PPP2R2C: variants seen among roughly 807,000 people sequenced by gnomAD.
PPP2R2C encodes the protein protein phosphatase 2 regulatory subunit Bgamma.
A neutral mutation model predicts 45.3 loss-of-function variants in PPP2R2C; 10 were observed. The ratio of observed to expected loss-of-function variants is 0.22; its 90% CI spans 0.14 to 0.37. PPP2R2C has a LOEUF of 0.37. PPP2R2C is among the 10% of genes least tolerant of loss of function. The probability of loss-of-function intolerance (pLI) is 1.00; values close to 1 mark genes in which losing one functional copy is unlikely to be tolerated. For synonymous variants in PPP2R2C, 257 were observed against 245.4 expected (o/e 1.05, Z -0.44); for missense variants, 308 against 619.7 (o/e 0.50, Z 5.34).
At chr4:6,407,408 G>A (rs1295001189) in intron 1 of PPP2R2C, among the ~76,000 whole-genome samples, 1 of 151,770 alleles carries the variant, frequency 6.6e-6, no homozygotes, top group Non-Finnish European at 1.5e-5. Flanking sequence ...TTGTTTGTTT[G>A]TTTTTCAGAT....
chr4:6,540,176 A>G (rs1422626233), intron 1 of PPP2R2C, among the ~76,000 whole-genome samples: 1 of 152,194 alleles, frequency 6.6e-6, no homozygotes, highest in Non-Finnish European at 1.5e-5. Flanking sequence ...CTTTTAAAAC[A>G]TTTCATCACC....
In PPP2R2C at chr4:6,384,350, C is replaced by T. The variant is rs1716072310; in HGVS notation, c.71-3256G>A. The T allele has an allele frequency of 6.1e-6, 6 of 985,270 alleles. No individual in the cohort carries two copies. The Admixed American group carries it at 1.8e-4, about 30-fold the overall frequency. 61.0% of individuals were successfully genotyped at this position (985,270 alleles called of 1,614,324 possible). ...ATGTGAAATAAGCAAAGAAACTGGG[C>T]AGTGGGGAAAAAAGCTGGAAGAGAA... On this transcript the variant is annotated intron_variant, in intron 1 of 8. Transcript: ENST00000382599.
intron 2 of PPP2R2C, among the ~76,000 whole-genome samples, chr4:6,525,287 C>T (rs1423994402): frequency 2.0e-5 from 3 of 151,910 alleles, no homozygotes; most frequent in African/African-American, 7.3e-5. Context: ...TGCCTGTAAT[C>T]CCAGCTACTC....
intron 1 of PPP2R2C, among the ~76,000 whole-genome samples, chr4:6,410,114 C>G (rs1327289159): frequency 2.6e-5 from 4 of 152,190 alleles, no homozygotes; most frequent in African/African-American, 9.7e-5. Flanking sequence ...GAAGCAGGAT[C>G]CCACACCTCA....
At chr4:6,392,180 A>T (rs1316766229) in intron 1 of PPP2R2C, among the ~76,000 whole-genome samples, 1 of 152,212 alleles carries the variant, frequency 6.6e-6, no homozygotes, top group Non-Finnish European at 1.5e-5. Context: ...TTGTACATTT[A>T]AAAATGGTTC....
In PPP2R2C at chr4:6,327,248, G is replaced by A. The variant is rs367917746; in HGVS notation, c.1052+2014C>T. On this transcript the variant is annotated intron_variant, in intron 8 of 8. Coordinates refer to ENST00000382599, the MANE Select transcript of PPP2R2C (RefSeq NM_020416.4). Reference sequence around the variant, plus strand: ...GCAAACAAGGACAGAGGTTCCAGCCGGGCAGAGCAGAGCCAGCTGTGGAGC... The same window carrying A: ...GCAAACAAGGACAGAGGTTCCAGCCAGGCAGAGCAGAGCCAGCTGTGGAGC... 8.5e-5 allele frequency among the ~76,000 whole-genome samples: 13 copies of A among 152,336 alleles called. No individual in the cohort carries two copies. The East Asian group carries it at 1.2e-3, about 14-fold the overall frequency.
rs111306857 is a variant in PPP2R2C, at chr4:6,441,923, G to A, written c.70+30237C>T. On this transcript the variant is annotated intron_variant, in intron 1 of 8. Coordinates refer to ENST00000382599, the MANE Select transcript of PPP2R2C (RefSeq NM_020416.4). Reference sequence around the variant, plus strand: ...TGGGGCATGGCAGCTGTTCACCACCGGCCATTCCCTTCCTTCTCCGCCCTA... The same window carrying A: ...TGGGGCATGGCAGCTGTTCACCACCAGCCATTCCCTTCCTTCTCCGCCCTA... Among the ~76,000 whole-genome samples the A allele has an allele frequency of 1.4e-3, 207 of 152,296 alleles. 2 individuals are homozygous for A. Among genetic ancestry groups the A allele is most frequent in the African/African-American group, 4.5e-3 (187 of 41,568 alleles).
chr4:6,404,641 C>T (rs1717666519), intron 1 of PPP2R2C, among the ~76,000 whole-genome samples: 1 of 135,972 alleles, frequency 7.4e-6, no homozygotes, highest in Admixed American at 7.7e-5. Context: ...TTCTGAGTTG[C>T]AGAGGGATGC....
In PPP2R2C at chr4:6,364,920, A is replaced by G. The variant is rs1386207799; in HGVS notation, c.625+7603T>C. On this transcript the variant is annotated intron_variant, in intron 5 of 8. Transcript: ENST00000382599. The surrounding 1 kb of genome is among the most constrained non-coding windows in gnomAD (Gnocchi z 5.3). ...TCATCGAGGCTTGAGCAAGAAGAAG[A>G]CTATCTTTTTGCTCACCTAGAAAGT... Among the ~76,000 whole-genome samples, 1 of 152,154 alleles carries G rather than the reference A, an allele frequency of 6.6e-6. No homozygotes were observed. Among genetic ancestry groups the G allele is most frequent in the Non-Finnish European group, 1.5e-5 (1 of 68,022 alleles).
chr4:6,549,211 C>G (rs1371034844), intron 1 of PPP2R2C, among the ~76,000 whole-genome samples: 2 of 152,182 alleles, frequency 1.3e-5, no homozygotes, highest in Admixed American at 1.3e-4. Context: ...ATGCCCCATA[C>G]AGCAGGCAGA....
At chr4:6,369,544 G>A (rs1180018269) in intron 5 of PPP2R2C, among the ~76,000 whole-genome samples, 2 of 152,224 alleles carry the variant, frequency 1.3e-5, no homozygotes, top group Non-Finnish European at 2.9e-5. Context: ...GTGGAGGCAG[G>A]CACAGCTGTG....
At chr4:6,370,828 T>C (rs1714756919) in intron 5 of PPP2R2C, among the ~76,000 whole-genome samples, 1 of 152,236 alleles carries the variant, frequency 6.6e-6, no homozygotes, top group Admixed American at 6.5e-5. Context: ...TGGGGCCCGA[T>C]GTCCTTTCGG....
intron 5 of PPP2R2C, among the ~76,000 whole-genome samples, chr4:6,360,809 T>C (rs1713661770): frequency 6.6e-6 from 1 of 152,184 alleles, no homozygotes; most frequent in South Asian, 2.1e-4. Flanking sequence ...GTGTTTCTCA[T>C]AGCTATGGAG....
At position 6,368,649 on chromosome 4, in the gene PPP2R2C, C is replaced by T. The variant is rs984512153; in HGVS notation, c.625+3874G>A. The stretch of plus-strand genomic sequence containing the variant: ...CTGTCTGAATGTCTTGTGGCCACCC[C>T]GATCCAAAACTGGTTATGATACAAT... On this transcript the variant is annotated intron_variant, in intron 5 of 8. Coordinates refer to ENST00000382599, the MANE Select transcript of PPP2R2C (RefSeq NM_020416.4). This position sits in a 1 kb window ranked among gnomAD's most constrained non-coding sequence, Gnocchi z 4.2. Among the ~76,000 whole-genome samples the T allele has an allele frequency of 3.9e-5, 6 of 152,080 alleles. No homozygotes were observed. Among genetic ancestry groups the T allele is most frequent in the South Asian group, 4.2e-4 (2 of 4,816 alleles).
At chr4:6,343,297 C>A (rs1733591967) in intron 6 of PPP2R2C, among the ~76,000 whole-genome samples, 1 of 152,118 alleles carries the variant, frequency 6.6e-6, no homozygotes, top group Non-Finnish European at 1.5e-5. Flanking sequence ...TAAAAGCATG[C>A]TAAAAACTGC....
chr4:6,521,583 C>T (rs1724028549), intron 2 of PPP2R2C, among the ~76,000 whole-genome samples: 1 of 152,182 alleles, frequency 6.6e-6, no homozygotes, highest in Non-Finnish European at 1.5e-5. Context: ...TCTTAGGAGT[C>T]GTCTCAGGAG....
intron 6 of PPP2R2C, among the ~76,000 whole-genome samples, chr4:6,346,530 C>G (rs1359873026): frequency 1.3e-5 from 2 of 152,198 alleles, no homozygotes; most frequent in African/African-American, 2.4e-5. Flanking sequence ...GTCTGTCTCC[C>G]CCGCAGACGC....
chr4:6,396,052 G>C (rs1290130658), intron 1 of PPP2R2C, among the ~76,000 whole-genome samples: 2 of 152,206 alleles, frequency 1.3e-5, no homozygotes, highest in African/African-American at 4.8e-5. Flanking sequence ...ACTCACACAG[G>C]AGCATTACAC....
intron 1 of PPP2R2C, among the ~76,000 whole-genome samples, chr4:6,449,442 T>G (rs1720619530): frequency 6.6e-6 from 1 of 152,172 alleles, no homozygotes. Context: ...TAATTTTTAA[T>G]AATAAAATGA....
Sources: allele counts gnomAD v4.1 joint callset (sites outside exome capture counted in the v4.1 genomes callset), GRCh38; gene constraint gnomAD v4.1.1; non-coding constraint Gnocchi (gnomAD v3.1); transcripts MANE v1.5; gene names NCBI Gene and HGNC (gene_info 2026-07-23, HGNC 2026-07-21).